Variants in SLC2A1 observed in about 807,000 individuals in gnomAD.
SLC2A1 encodes the protein solute carrier family 2, facilitated glucose transporter member 1.
Under a neutral mutation model 46.6 loss-of-function variants are expected in SLC2A1, and 4 were observed. That is an observed-to-expected ratio of 0.09 (90% CI 0.04 to 0.20). SLC2A1 has a LOEUF of 0.20. Among genes scored for constraint, SLC2A1 ranks in the 10% least tolerant of loss-of-function variants. The pLI is 1.00. For synonymous variants in SLC2A1, 253 were observed against 270.0 expected (o/e 0.94, Z 0.62); for missense variants, 352 against 667.0 (o/e 0.53, Z 5.20).
At position 42,930,874 on chromosome 1, in the gene SLC2A1, C is replaced by T. The variant is rs373084446; in HGVS notation, c.276-8G>A. On this transcript the variant is annotated splice_region_variant and splice_polypyrimidine_tract_variant and intron_variant, in intron 3 of 9. Coordinates refer to ENST00000426263, the MANE Select transcript of SLC2A1 (RefSeq NM_006516.4). The surrounding 1 kb of genome is among the most constrained non-coding windows in gnomAD (Gnocchi z 6.2). ...ATCAGCATTGAATTCCGCCTGGGGACGGGGTCACAGGTCAGGCCAGTGCCC... is the reference window on the plus strand; with the variant it reads ...ATCAGCATTGAATTCCGCCTGGGGATGGGGTCACAGGTCAGGCCAGTGCCC... 4.1e-5 allele frequency: 65 copies of T among 1,601,114 alleles called. No homozygotes were observed. The Middle Eastern group carries it at 4.9e-4, about 12-fold the overall frequency.
At chr1:42,928,896 C>A (rs548369746) in intron 8 of SLC2A1, 36 bp downstream of exon 8, 3 of 1,581,106 alleles carry the variant, frequency 1.9e-6, no homozygotes, top group South Asian at 2.2e-5. Flanking sequence ...GGCAAACTCT[C>A]CCGCATCCCT....
intron 1 of SLC2A1, among the ~76,000 whole-genome samples, chr1:42,943,682 C>T (rs1643621465): frequency 6.6e-6 from 1 of 152,128 alleles, no homozygotes; most frequent in Admixed American, 6.5e-5. Context: ...GCCCAGGAAC[C>T]AGCCCTCCTA....
intron 1 of SLC2A1, among the ~76,000 whole-genome samples, chr1:42,946,148 G>A (rs567500718): frequency 2.0e-5 from 3 of 152,110 alleles, no homozygotes; most frequent in Non-Finnish European, 2.9e-5. Context: ...GCCCCACTGA[G>A]CAGCTGCTCG....
chr1:42,942,547 C>T (rs1361238256), intron 2 of SLC2A1, among the ~76,000 whole-genome samples: 1 of 151,052 alleles, frequency 6.6e-6, no homozygotes, highest in Non-Finnish European at 1.5e-5. Flanking sequence ...GAGGAGGAAG[C>T]CAGCACAGAC....
intron 1 of SLC2A1, among the ~76,000 whole-genome samples, chr1:42,955,363 C>T (rs1643761146): frequency 6.6e-6 from 1 of 152,180 alleles, no homozygotes; most frequent in Non-Finnish European, 1.5e-5. Flanking sequence ...AATCCCAACA[C>T]TTTGGGAGGC....
intron 2 of SLC2A1, among the ~76,000 whole-genome samples, chr1:42,935,303 C>T (rs147073815): frequency 7.7e-4 from 117 of 152,278 alleles, no homozygotes; most frequent in African/African-American, 2.6e-3. Flanking sequence ...ATTCCTCACC[C>T]GGTGGCTCTC....
chr1:42,948,462 C>T (rs1416002207), intron 1 of SLC2A1, among the ~76,000 whole-genome samples: 1 of 152,226 alleles, frequency 6.6e-6, no homozygotes. Context: ...CTTCCCACAG[C>T]ATCCCACATG....
chr1:42,943,641 G>A (rs562402398), intron 1 of SLC2A1, among the ~76,000 whole-genome samples: 2 of 152,276 alleles, frequency 1.3e-5, no homozygotes, highest in African/African-American at 4.8e-5. Flanking sequence ...CATGCCTAGG[G>A]TCTGGTGGTT....
chr1:42,927,577 T>G lies in SLC2A1; in HGVS notation c.1278+28A>C. 1 of 1,601,646 alleles carries G rather than the reference T, an allele frequency of 6.2e-7. No homozygotes were observed. The highest frequency in any genetic ancestry group is 8.5e-7 in the Non-Finnish European group (1 of 1,169,860). On this transcript the variant is annotated intron_variant, in intron 9 of 9. Transcript: ENST00000426263. The surrounding 1 kb of genome is among the most constrained non-coding windows in gnomAD (Gnocchi z 5.3). ...AGCACTGTGGGGTCATGCGTGCGGG[T>G]GAGTATAGAGACAGTGGGGGTTCTC... is the stretch of plus-strand genomic sequence containing the variant.
rs1643443048 is a variant in SLC2A1, at chr1:42,927,761, G to A, written c.1122C>T (p.Gly374=). The A allele has an allele frequency of 6.2e-7, 1 of 1,613,974 alleles. No individual in the cohort carries two copies. The highest frequency in any genetic ancestry group is 8.5e-7 in the Non-Finnish European group (1 of 1,179,928). The change falls in exon 9 of 10, where the codon GGC becomes GGT. Residue 374 remains glycine (G), a synonymous_variant. Transcript: ENST00000426263. This position sits in a 1 kb window ranked among gnomAD's most constrained non-coding sequence, Gnocchi z 5.3. ...GACCCACTTCAAAGAAGGCCACAAA[G>A]CCAAAGATGGCCACGATGCTCAGAT... ...MSYLSIVAIF[G]FVAFFEVGPG... is the part of the protein sequence containing the mutation.
intron 1 of SLC2A1, among the ~76,000 whole-genome samples, chr1:42,953,550 T>C (rs959165169): frequency 3.9e-5 from 6 of 152,242 alleles, no homozygotes; most frequent in African/African-American, 9.6e-5. Flanking sequence ...TGAGCGGCTT[T>C]ATCACCTTTA....
At chr1:42,941,004 T>C (rs1357029229) in intron 2 of SLC2A1, among the ~76,000 whole-genome samples, 1 of 152,194 alleles carries the variant, frequency 6.6e-6, no homozygotes, top group Non-Finnish European at 1.5e-5. Context: ...CTAGAAACCA[T>C]TTTTAAACCC....
At chr1:42,947,140 TGAA>T (rs1271869116) in intron 1 of SLC2A1, among the ~76,000 whole-genome samples, 1 of 152,210 alleles carries the variant, frequency 6.6e-6, no homozygotes, top group Non-Finnish European at 1.5e-5. Flanking sequence ...AACATGGCAA[TGAA>T]GTCCATTCAC....
chr1:42,931,697 C>T (rs888442337), intron 2 of SLC2A1, among the ~76,000 whole-genome samples: 7 of 151,862 alleles, frequency 4.6e-5, no homozygotes, highest in South Asian at 2.1e-4. Flanking sequence ...GACGTGGTGG[C>T]GCAAGCATGT....
At chr1:42,953,306 T>C (rs1297620185) in intron 1 of SLC2A1, among the ~76,000 whole-genome samples, 2 of 152,238 alleles carry the variant, frequency 1.3e-5, no homozygotes. Flanking sequence ...GCTCAGTTAC[T>C]GCAAAACCCT....
At chr1:42,946,955 G>C (rs143415671) in intron 1 of SLC2A1, among the ~76,000 whole-genome samples, 3 of 152,288 alleles carry the variant, frequency 2.0e-5, no homozygotes, top group Non-Finnish European at 4.4e-5. Flanking sequence ...CCTAGAAAAC[G>C]GGGATGAAAG....
intron 1 of SLC2A1, among the ~76,000 whole-genome samples, chr1:42,957,227 G>T (rs371631520): frequency 3.9e-5 from 6 of 152,316 alleles, no homozygotes; most frequent in Admixed American, 1.3e-4. Context: ...CTGAACTTTT[G>T]TTTAGTTATA....
chr1:42,930,943 G>A lies in SLC2A1; in HGVS notation c.276-77C>T. ...GGGGCTGGGTCAGAGGTAATACCCT[G>A]GAACAGGCAGATAAGTCTCCCCTAC... On this transcript the variant is annotated intron_variant, in intron 3 of 9. Transcript: ENST00000426263. The surrounding 1 kb of genome is among the most constrained non-coding windows in gnomAD (Gnocchi z 6.2). 6.2e-7 allele frequency: 1 copy of A among 1,606,208 alleles called. No individual in the cohort carries two copies. The highest frequency in any genetic ancestry group is 2.2e-5 in the East Asian group (1 of 44,736).
intron 1 of SLC2A1, among the ~76,000 whole-genome samples, chr1:42,958,157 G>A (rs970506963): frequency 7.9e-5 from 12 of 152,192 alleles, no homozygotes; most frequent in African/African-American, 2.9e-4. Context: ...CAGACGGAGA[G>A]CGGGGGCGGC....
Sources: gnomAD v4.1 joint callset for allele counts (sites outside exome capture counted in the v4.1 genomes callset) on GRCh38, gnomAD v4.1.1 for gene constraint, Gnocchi (gnomAD v3.1) non-coding constraint, MANE v1.5 for transcripts, NCBI Gene and HGNC (gene_info 2026-07-23, HGNC 2026-07-21) for gene names.